The following TRPV4 variants were observed in gnomAD, a reference collection of about 807,000 sequenced individuals.
The protein encoded by TRPV4 is OSM9-like transient receptor potential channel 4.
A neutral mutation model predicts 84.1 loss-of-function variants in TRPV4; 58 were observed. That is an observed-to-expected ratio of 0.69 (90% confidence interval 0.56 to 0.86). TRPV4 has a LOEUF of 0.86. Among genes scored for constraint, TRPV4 ranks in the 40% least tolerant of loss-of-function variants. The pLI is 0.00. For synonymous variants in TRPV4, 489 were observed against 500.9 expected (o/e 0.98, Z 0.32); for missense variants, 879 against 1,181.1 (o/e 0.74, Z 3.75).
intron 14 of TRPV4, among the ~76,000 whole-genome samples, chr12:109,785,275 A>G (rs1889617639): frequency 6.6e-6 from 1 of 152,128 alleles, no homozygotes; most frequent in Admixed American, 6.5e-5. Context: ...CTCGCTTCCC[A>G]AAGTGTTGGT....
chr12:109,802,215 G>T (rs1373872659), intron 4 of TRPV4, among the ~76,000 whole-genome samples: 2 of 149,026 alleles, frequency 1.3e-5, no homozygotes, highest in African/African-American at 5.0e-5. Flanking sequence ...CTGAAGCCTT[G>T]ACCCTCTGAG....
intron 2 of TRPV4, among the ~76,000 whole-genome samples, chr12:109,810,010 G>A (rs1391182535): frequency 6.6e-6 from 1 of 152,190 alleles, no homozygotes; most frequent in Non-Finnish European, 1.5e-5. Context: ...GAGATGTGGG[G>A]CTACAGAGGC....
intron 1 of TRPV4, among the ~76,000 whole-genome samples, chr12:109,821,135 G>A (rs944014687): frequency 2.6e-5 from 4 of 152,220 alleles, no homozygotes; most frequent in African/African-American, 7.2e-5. Context: ...TAAATCTGGG[G>A]GCAAGTTTGG....
At position 109,814,923 on chromosome 12, in the gene TRPV4, C is replaced by A; in HGVS notation, c.-31-96G>T. On this transcript the variant is annotated intron_variant, in intron 1 of 15. Coordinates refer to ENST00000261740, the MANE Select transcript of TRPV4 (RefSeq NM_021625.5). The surrounding 1 kb of genome is among the most constrained non-coding windows in gnomAD (Gnocchi z 5.4). ...CGTGGACAAGCAGCAGTGCTGCCAG[C>A]TGCTTCAAAGCCACCGTTGTAATGA... 8.1e-7 allele frequency: 1 copy of A among 1,237,654 alleles called. No individual in the cohort carries two copies. Among genetic ancestry groups the A allele is most frequent in the Non-Finnish European group, 1.1e-6 (1 of 895,874 alleles). The allele number at this position is 1,237,654 out of a possible 1,614,324, so 76.7% of individuals were successfully genotyped here.
At chr12:109,830,590 G>GAAATAA (rs1308156215) in intron 1 of TRPV4, among the ~76,000 whole-genome samples, 1 of 152,188 alleles carries the variant, frequency 6.6e-6, no homozygotes, top group Non-Finnish European at 1.5e-5. Context: ...CCACTGGCAT[G>GAAATAA]AAATAAATGT....
At chr12:109,819,173 C>T (rs1254714829) in intron 1 of TRPV4, among the ~76,000 whole-genome samples, 5 of 152,172 alleles carry the variant, frequency 3.3e-5, no homozygotes, top group African/African-American at 4.8e-5. Context: ...AAAGAGTTTA[C>T]TCCCTGTTCT....
intron 12 of TRPV4, among the ~76,000 whole-genome samples, chr12:109,791,124 T>G (rs1054673640): frequency 8.5e-5 from 13 of 152,132 alleles, no homozygotes; most frequent in Non-Finnish European, 1.6e-4. Flanking sequence ...GGCTCACGCC[T>G]GTAATCCCAG....
chr12:109,792,292 C>A, intron 12 of TRPV4, 71 bp downstream of exon 12: 1 of 1,227,796 alleles, frequency 8.1e-7, no homozygotes, highest in Non-Finnish European at 1.2e-6. Flanking sequence ...CTATTGTCCC[C>A]TATACATCAT....
Position 109,793,467 on chromosome 12 carries a change from C to G in TRPV4, c.1658+60G>C. 1 of 1,430,862 alleles carries G rather than the reference C, an allele frequency of 7.0e-7. No individual in the cohort carries two copies. Among genetic ancestry groups the G allele is most frequent in the Non-Finnish European group, 9.9e-7 (1 of 1,013,940 alleles). The allele number at this position is 1,430,862 out of a possible 1,614,324, so 88.6% of individuals were successfully genotyped here. A position where few individuals can be genotyped will look rare whatever the true frequency, so the allele number is the denominator to read the frequency against. ...CACCTCTCTCCTGAATCTGGACGAC[C>G]TAGCAGCCCAAACCCACCTTCCTCA... On this transcript the variant is annotated intron_variant, in intron 10 of 15. Transcript: ENST00000261740. The surrounding 1 kb of genome is among the most constrained non-coding windows in gnomAD (Gnocchi z 4.0).
intron 1 of TRPV4, among the ~76,000 whole-genome samples, chr12:109,821,306 G>A (rs1592871351): frequency 6.6e-6 from 1 of 152,162 alleles, no homozygotes; most frequent in South Asian, 2.1e-4. Flanking sequence ...CAGAGAACTC[G>A]CAGTCCAGGA....
At position 109,798,692 on chromosome 12, in the gene TRPV4, G is replaced by A. The variant is rs140040335; in HGVS notation, c.1074C>T (p.Pro358=). The A allele has an allele frequency of 4.6e-5, 75 of 1,613,786 alleles. No individual in the cohort carries two copies. Among genetic ancestry groups the A allele is most frequent in the Admixed American group, 8.3e-5 (5 of 60,004 alleles). The change falls in exon 6 of 16, where the codon CCC becomes CCT. Residue 358 remains proline, a synonymous_variant. Transcript: ENST00000261740. This position sits in a 1 kb window ranked among gnomAD's most constrained non-coding sequence, Gnocchi z 5.0. ...TGAGCACGGCCTCCAGGTTGCTGTC[G>A]GGGAAGAGGCGGGCACACTTGAGCA... ...LLLLKCARLF[P]DSNLEAVLNN...
At chr12:109,794,116 C>T (rs1346248347) in intron 8 of TRPV4, 94 bp from the exon 9 acceptor site, 17 of 1,182,582 alleles carry the variant, frequency 1.4e-5, no homozygotes, top group Non-Finnish European at 2.1e-5. Flanking sequence ...ACATCGGCAT[C>T]CCATGGAGCC....
At chr12:109,802,056 C>T (rs752719370) in intron 4 of TRPV4, among the ~76,000 whole-genome samples, 1 of 151,966 alleles carries the variant, frequency 6.6e-6, no homozygotes, top group Non-Finnish European at 1.5e-5. Context: ...TTAGAGTATC[C>T]GCCACCACAG....
At chr12:109,792,850 G>T in intron 10 of TRPV4, 33 bp from the exon 11 acceptor site, 1 of 1,610,770 alleles carries the variant, frequency 6.2e-7, no homozygotes, top group Non-Finnish European at 8.5e-7. Flanking sequence ...AGAGAGGCCA[G>T]AGGGGAGAGG....
intron 7 of TRPV4, among the ~76,000 whole-genome samples, chr12:109,795,722 A>G (rs1027723061): frequency 1.5e-4 from 23 of 152,078 alleles, no homozygotes; most frequent in Non-Finnish European, 2.6e-4. Context: ...TAAGTAGGGA[A>G]AAAAAAGCTT....
intron 7 of TRPV4, among the ~76,000 whole-genome samples, chr12:109,795,701 C>T (rs566190673): frequency 6.6e-6 from 1 of 152,174 alleles, no homozygotes; most frequent in African/African-American, 2.4e-5. Context: ...ACGACGTTCA[C>T]AAAATACTGC....
intron 14 of TRPV4, among the ~76,000 whole-genome samples, chr12:109,785,845 C>A (rs1369442238): frequency 1.3e-5 from 2 of 151,940 alleles, no homozygotes; most frequent in African/African-American, 4.8e-5. Context: ...CCAGCCTGGG[C>A]AACATAGCAA....
intron 1 of TRPV4, chr12:109,832,221 T>G (rs1345726585): frequency 6.6e-6 from 1 of 152,282 alleles, no homozygotes; most frequent in Non-Finnish European, 1.5e-5. Flanking sequence ...GGCCCGCTCT[T>G]AGCCCCGCAG....
chr12:109,821,712 A>G (rs1892106568), intron 1 of TRPV4, among the ~76,000 whole-genome samples: 1 of 152,024 alleles, frequency 6.6e-6, no homozygotes, highest in Non-Finnish European at 1.5e-5. Context: ...TCGTATTTTT[A>G]GTAGAGGCAG....
Sources: gnomAD v4.1 joint callset for allele counts (sites outside exome capture counted in the v4.1 genomes callset) on GRCh38, gnomAD v4.1.1 for gene constraint, Gnocchi (gnomAD v3.1) non-coding constraint, MANE v1.5 for transcripts, NCBI Gene and HGNC (gene_info 2026-07-23, HGNC 2026-07-21) for gene names.